The following ANO1 variants were observed in gnomAD, a reference collection of about 807,000 sequenced individuals.
The protein encoded by ANO1 is anoctamin-1.
Under a neutral mutation model 124.0 loss-of-function variants are expected in ANO1, and 59 were observed. The observed-to-expected ratio is 0.48, with a 90% CI of 0.39 to 0.59. The LOEUF is 0.59. Among genes scored for constraint, ANO1 ranks in the 20% least tolerant of loss-of-function variants. ANO1 has a pLI of 0.00. For synonymous variants in ANO1, 529 were observed against 532.0 expected (o/e 0.99, Z 0.08); for missense variants, 1,059 against 1,328.0 (o/e 0.80, Z 3.15).
chr11:70,052,241 T>C (rs1857359269), intron 1 of ANO1, among the ~76,000 whole-genome samples: 2 of 152,376 alleles, frequency 1.3e-5, no homozygotes, highest in South Asian at 4.1e-4. Context: ...GTGGAATATA[T>C]GCAGGTCAGT....
chr11:70,178,720 C>T (rs187984514), intron 22 of ANO1, among the ~76,000 whole-genome samples: 7 of 152,290 alleles, frequency 4.6e-5, no homozygotes, highest in South Asian at 2.1e-4. Context: ...TGTGCCACGA[C>T]GCCTGGCTAA....
intron 1 of ANO1, among the ~76,000 whole-genome samples, chr11:70,023,290 G>A (rs1298654269): frequency 2.6e-5 from 4 of 152,180 alleles, no homozygotes; most frequent in Admixed American, 6.5e-5. Context: ...GCACCTTTCC[G>A]CATTGACTCC....
At chr11:70,062,474 C>A (rs1857610035) in intron 1 of ANO1, among the ~76,000 whole-genome samples, 1 of 152,198 alleles carries the variant, frequency 6.6e-6, no homozygotes, top group Non-Finnish European at 1.5e-5. Flanking sequence ...CTGCACCCCC[C>A]AGTAGACACA....
At chr11:70,070,947 C>T (rs879997154) in intron 1 of ANO1, among the ~76,000 whole-genome samples, 1 of 152,178 alleles carries the variant, frequency 6.6e-6, no homozygotes, top group Non-Finnish European at 1.5e-5. Context: ...GCGCTGCCAG[C>T]CCCTGCCTCA....
At chr11:70,169,683 C>T (rs1176614544) in intron 21 of ANO1, among the ~76,000 whole-genome samples, 4 of 152,202 alleles carry the variant, frequency 2.6e-5, no homozygotes, top group Non-Finnish European at 5.9e-5. Flanking sequence ...AGGCCTCCCA[C>T]TCAGCCCACC....
chr11:70,163,734 C>T (rs954327357), intron 19 of ANO1, among the ~76,000 whole-genome samples: 9 of 151,934 alleles, frequency 5.9e-5, no homozygotes, highest in Admixed American at 5.2e-4. Context: ...GTCAGGAGTT[C>T]GAGAGCAGCC....
chr11:70,184,194 G>A lies in ANO1; in HGVS notation c.2589-1396G>A, dbSNP rs538515483. On this transcript the variant is annotated intron_variant, in intron 24 of 25. Coordinates refer to ENST00000355303, the MANE Select transcript of ANO1 (RefSeq NM_018043.7). ...AGCTTTTCCAATGCAGGGTGGGGAC[G>A]TCAGCTCCATTCAAGCTATGTTCCA... 1.2e-4 allele frequency among the ~76,000 whole-genome samples: 18 copies of A among 152,292 alleles called. No homozygotes were observed. The South Asian group carries it at 3.5e-3, about 30-fold the overall frequency.
intron 1 of ANO1, among the ~76,000 whole-genome samples, chr11:70,080,849 G>A (rs1407872074): frequency 6.6e-6 from 1 of 152,210 alleles, no homozygotes; most frequent in Non-Finnish European, 1.5e-5. Context: ...GCTGGAGGCT[G>A]CAGCCATGGA....
At chr11:70,155,283 G>A (rs376327367) in intron 14 of ANO1, among the ~76,000 whole-genome samples, 1 of 152,190 alleles carries the variant, frequency 6.6e-6, no homozygotes, top group Non-Finnish European at 1.5e-5. Context: ...GGGTCCCTCC[G>A]CCTCTGTGGC....
intron 11 of ANO1, among the ~76,000 whole-genome samples, chr11:70,141,191 G>A (rs1320692670): frequency 6.6e-6 from 1 of 152,204 alleles, no homozygotes; most frequent in South Asian, 2.1e-4. Flanking sequence ...GGGACATGTA[G>A]GCGTAGTGCT....
intron 7 of ANO1, among the ~76,000 whole-genome samples, chr11:70,115,568 T>C (rs2045943654): frequency 6.6e-6 from 1 of 152,038 alleles, no homozygotes; most frequent in South Asian, 2.1e-4. Flanking sequence ...GCCGAGATCA[T>C]GCCACTGTAC....
chr11:70,131,131 A>G (rs1307347597), intron 10 of ANO1, among the ~76,000 whole-genome samples: 5 of 152,190 alleles, frequency 3.3e-5, no homozygotes, highest in African/African-American at 1.2e-4. Flanking sequence ...CTCTCCTAGA[A>G]GTGGCTCAAG....
chr11:69,992,902 A>G (rs782616094), intron 1 of ANO1, among the ~76,000 whole-genome samples: 6 of 152,310 alleles, frequency 3.9e-5, no homozygotes, highest in Non-Finnish European at 8.8e-5. Context: ...TCCATTTGAC[A>G]ATGGTCACAT....
chr11:70,171,167 T>TTTGC (rs2048457799), intron 22 of ANO1, 128 bp downstream of exon 22: 1 of 1,330,044 alleles, frequency 7.5e-7, no homozygotes, highest in Admixed American at 2.4e-5. Flanking sequence ...TCACTCAGCC[T>TTTGC]TTGCCGGGTG....
At chr11:70,103,012 T>C in intron 2 of ANO1, 54 bp from the exon 3 acceptor site, 2 of 1,303,708 alleles carry the variant, frequency 1.5e-6, no homozygotes, top group Non-Finnish European at 2.1e-6. Context: ...CAAGGTGGTT[T>C]TCCACAGAGA....
chr11:69,990,397 C>T (rs117480083), intron 1 of ANO1, among the ~76,000 whole-genome samples: 2,081 of 152,300 alleles, frequency 0.014, 25 homozygotes, highest in Non-Finnish European at 0.018. Context: ...ATTCATCTAT[C>T]GACAGACATG....
intron 11 of ANO1, among the ~76,000 whole-genome samples, chr11:70,147,812 A>G (rs543858453): frequency 2.8e-4 from 43 of 151,490 alleles, no homozygotes; most frequent in Non-Finnish European, 5.6e-4. Context: ...AGCACCTCCT[A>G]CTGTCCTGCC....
At chr11:70,023,565 G>T (rs1412640857) in intron 1 of ANO1, among the ~76,000 whole-genome samples, 1 of 152,174 alleles carries the variant, frequency 6.6e-6, no homozygotes, top group African/African-American at 2.4e-5. Context: ...TACTGAGATG[G>T]TCTAGTCGCT....
intron 6 of ANO1, among the ~76,000 whole-genome samples, chr11:70,109,611 C>T (rs1172827820): frequency 1.3e-5 from 2 of 152,194 alleles, no homozygotes; most frequent in Non-Finnish European, 2.9e-5. Context: ...TCTAGGTCAC[C>T]GCTGCCAGGG....
Sources: gnomAD v4.1 joint callset for allele counts (sites outside exome capture counted in the v4.1 genomes callset) on GRCh38, gnomAD v4.1.1 for gene constraint, MANE v1.5 for transcripts, NCBI Gene and HGNC (gene_info 2026-07-23, HGNC 2026-07-21) for gene names.